Variants in TES observed in about 807,000 individuals in gnomAD.
The protein encoded by TES is testin.
Under a neutral mutation model 48.2 loss-of-function variants are expected in TES, and 41 were observed. The observed-to-expected ratio is 0.85, with a 90% confidence interval of 0.66 to 1.10. The LOEUF (loss-of-function observed/expected upper bound fraction) is 1.10. Ranked by LOEUF, TES falls within the 50% of genes least tolerant of loss-of-function variation. The pLI is 0.00. For missense variants in TES, 463 were observed against 515.1 expected, an observed-to-expected ratio of 0.90 and a Z score of 0.98; for synonymous variants, 162 against 174.9, an observed-to-expected ratio of 0.93 and a Z score of 0.58.
chr7:116,240,466 A>T (rs1799831010), intron 2 of TES, among the ~76,000 whole-genome samples: 1 of 149,828 alleles, frequency 6.7e-6, no homozygotes, highest in South Asian at 2.1e-4. Context: ...TCTCTCTCTC[A>T]CTCCTTCCCT....
intron 1 of TES, among the ~76,000 whole-genome samples, chr7:116,222,610 G>C (rs780309431): frequency 2.0e-5 from 3 of 152,168 alleles, no homozygotes; most frequent in Non-Finnish European, 4.4e-5. Flanking sequence ...AATGATCGCA[G>C]TATTCAAGTT....
intron 1 of TES, 131 bp from the exon 2 acceptor site, chr7:116,234,403 T>C (rs998403980): frequency 3.2e-5 from 23 of 722,704 alleles, no homozygotes; most frequent in African/African-American, 7.1e-5. Context: ...GGTATCATCA[T>C]TGACTAAATA....
At chr7:116,247,976 C>G (rs959562175) in intron 2 of TES, among the ~76,000 whole-genome samples, 1 of 152,136 alleles carries the variant, frequency 6.6e-6, no homozygotes, top group South Asian at 2.1e-4. Flanking sequence ...TCACCCTCCC[C>G]ACTCTAATAT....
At chr7:116,226,372 T>C (rs1799621140) in intron 1 of TES, among the ~76,000 whole-genome samples, 1 of 152,142 alleles carries the variant, frequency 6.6e-6, no homozygotes, top group East Asian at 1.9e-4. Flanking sequence ...ACAGAGTTAC[T>C]GACATTAGAA....
Position 116,247,756 on chromosome 7 carries a change from G to T in TES, c.114-1264G>T, listed in dbSNP as rs147125622. On this transcript the variant is annotated intron_variant, in intron 2 of 6. Transcript: ENST00000358204. ...CATCTAAATCACAAAACTTAATTCA[G>T]TAATTTCCAAAAATACATTATTAGT... Among the ~76,000 whole-genome samples the T allele has an allele frequency of 8.0e-3, 1,211 of 152,240 alleles. 15 individuals are homozygous for T. Among genetic ancestry groups the T allele is most frequent in the African/African-American group, 0.027 (1,142 of 41,534 alleles).
chr7:116,255,795 A>C (rs947301342), intron 6 of TES, among the ~76,000 whole-genome samples: 2 of 152,226 alleles, frequency 1.3e-5, no homozygotes, highest in African/African-American at 2.4e-5. Context: ...ATGTTTAAGG[A>C]GAGGGATATC....
chr7:116,237,845 T>TGG (rs577111531), intron 2 of TES: 1 of 151,378 alleles, frequency 6.6e-6, no homozygotes, highest in Non-Finnish European at 1.5e-5. Context: ...TGTGTGTGGG[T>TGG]GTGTGTGTGT....
At chr7:116,236,717 T>C (rs1049094199) in intron 2 of TES, among the ~76,000 whole-genome samples, 2 of 152,238 alleles carry the variant, frequency 1.3e-5, no homozygotes, top group Non-Finnish European at 2.9e-5. Flanking sequence ...ATTTTTGTTA[T>C]GTCTATATTA....
chr7:116,245,363 G>T (rs1297458327), intron 2 of TES, among the ~76,000 whole-genome samples: 1 of 152,020 alleles, frequency 6.6e-6, no homozygotes. Context: ...CTAGGGCAGG[G>T]GCAAAATGCC....
intron 2 of TES, among the ~76,000 whole-genome samples, chr7:116,245,864 CAT>C (rs1262031651): frequency 6.6e-6 from 1 of 152,162 alleles, no homozygotes; most frequent in African/African-American, 2.4e-5. Context: ...GCAAAGCAAA[CAT>C]GTTCTTTACA....
At chr7:116,212,536 C>T (rs1799450773) in intron 1 of TES, among the ~76,000 whole-genome samples, 1 of 152,102 alleles carries the variant, frequency 6.6e-6, no homozygotes, top group Non-Finnish European at 1.5e-5. Context: ...GAATTTTCTG[C>T]TCAATTTTGC....
chr7:116,216,198 A>G (rs943559343), intron 1 of TES, among the ~76,000 whole-genome samples: 1 of 152,164 alleles, frequency 6.6e-6, no homozygotes, highest in Non-Finnish European at 1.5e-5. Flanking sequence ...AAGAAGGAAT[A>G]CAAGTTGGCC....
At chr7:116,210,772 C>T in intron 1 of TES, 38 bp downstream of exon 1, 1 of 1,235,502 alleles carries the variant, frequency 8.1e-7, no homozygotes, top group Non-Finnish European at 1.0e-6. Context: ...GCTGCTTCAC[C>T]TGCGCGGGTC....
At chr7:116,234,648 A>G (rs773998061) in intron 2 of TES, 29 bp downstream of exon 2, 19 of 1,571,294 alleles carry the variant, frequency 1.2e-5, no homozygotes, top group Non-Finnish European at 1.5e-5. Context: ...CAACCACATT[A>G]GTAATTTATA....
intron 4 of TES, among the ~76,000 whole-genome samples, chr7:116,251,244 A>T (rs1321954197): frequency 6.6e-6 from 1 of 152,234 alleles, no homozygotes; most frequent in Non-Finnish European, 1.5e-5. Context: ...AATGAAGTAG[A>T]TTTGAATAGC....
At chr7:116,224,173 C>T (rs1174383980) in intron 1 of TES, among the ~76,000 whole-genome samples, 1 of 152,196 alleles carries the variant, frequency 6.6e-6, no homozygotes, top group Non-Finnish European at 1.5e-5. Context: ...TCTCCCTAGT[C>T]GATCCTTGCA....
rs752711461 is a variant in TES, at chr7:116,257,390, T to A, written c.1174T>A (p.Ser392Thr). 1.9e-6 allele frequency: 3 copies of A among 1,613,972 alleles called. No homozygotes were observed. The East Asian group carries it at 6.7e-5, about 36-fold the overall frequency. The change falls in exon 7 of 7, where the codon TCT (serine) becomes ACT (threonine). Residue 392 changes from serine (S) to threonine (T), a missense_variant. Ser to Thr is a moderately conservative substitution (Grantham distance 58). Transcript: ENST00000358204. Reference sequence around the variant, plus strand: ...TGCATCCACAGAGTGCTTTCTGTGCTCTTGCTGCAGCAAATGCCTCATTGG... The same window carrying A: ...TGCATCCACAGAGTGCTTTCTGTGCACTTGCTGCAGCAAATGCCTCATTGG... ...WHASTECFLC[S>T]CCSKCLIGQK...
At chr7:116,221,177 T>C (rs1799553555) in intron 1 of TES, among the ~76,000 whole-genome samples, 2 of 152,196 alleles carry the variant, frequency 1.3e-5, no homozygotes, top group Admixed American at 1.3e-4. Context: ...ATCCTTTTGC[T>C]AATTTAAAAA....
At chr7:116,255,220 T>C (rs1800080987) in intron 6 of TES, 1 of 152,182 alleles carries the variant, frequency 6.6e-6, no homozygotes, top group Non-Finnish European at 1.5e-5. Context: ...ACAGGTGTCA[T>C]TAGCTCTTTT....
Sources: allele counts gnomAD v4.1 joint callset (sites outside exome capture counted in the v4.1 genomes callset), GRCh38; gene constraint gnomAD v4.1.1; transcripts MANE v1.5; gene names NCBI Gene and HGNC (gene_info 2026-07-23, HGNC 2026-07-21).